GNAQ: variants seen among roughly 807,000 people sequenced by gnomAD.
GNAQ encodes guanine nucleotide-binding protein G(q) subunit alpha.
In GNAQ, 8 loss-of-function variants were observed where a neutral mutation model predicts 43.9. The observed-to-expected ratio is 0.18, with a 90% CI of 0.11 to 0.33. The LOEUF is 0.33. Among genes scored for constraint, GNAQ ranks in the 10% least tolerant of loss-of-function variants. The pLI, the probability that GNAQ is intolerant of heterozygous loss-of-function variation, is 1.00. For missense variants in GNAQ, 158 were observed against 450.8 expected (o/e 0.35, Z 5.88); for synonymous variants, 155 against 170.7 (o/e 0.91, Z 0.71).
At chr9:77,893,807 G>T (rs1400559452) in intron 2 of GNAQ, among the ~76,000 whole-genome samples, 3 of 152,094 alleles carry the variant, frequency 2.0e-5, no homozygotes, top group African/African-American at 7.2e-5. Context: ...ACCTGAAGAA[G>T]AATTCAAGGA....
intron 1 of GNAQ, among the ~76,000 whole-genome samples, chr9:77,975,500 T>C (rs1823286488): frequency 6.6e-6 from 1 of 151,586 alleles, no homozygotes; most frequent in African/African-American, 2.4e-5. Context: ...TAGTATCTCA[T>C]TTCCCAAACT....
At chr9:77,762,001 C>T (rs535857933) in intron 5 of GNAQ, among the ~76,000 whole-genome samples, 27 of 138,320 alleles carry the variant, frequency 2.0e-4, no homozygotes, top group African/African-American at 7.0e-4. Context: ...TGAGGGGCGC[C>T]TCTGCCCGGC....
intron 2 of GNAQ, among the ~76,000 whole-genome samples, chr9:77,818,111 C>T (rs1409488080): frequency 6.6e-6 from 1 of 152,146 alleles, no homozygotes; most frequent in Non-Finnish European, 1.5e-5. Context: ...ATATTTGTCT[C>T]TGCTATAAAC....
At chr9:77,852,220 G>T (rs77513732) in intron 2 of GNAQ, among the ~76,000 whole-genome samples, 18 of 152,280 alleles carry the variant, frequency 1.2e-4, no homozygotes, top group Non-Finnish European at 2.2e-4. Flanking sequence ...TCTTGCATCG[G>T]AAGAAAGCTC....
intron 1 of GNAQ, among the ~76,000 whole-genome samples, chr9:78,019,307 A>T (rs1243022865): frequency 1.3e-5 from 2 of 152,204 alleles, no homozygotes; most frequent in African/African-American, 2.4e-5. Context: ...TCTGGATAAC[A>T]TCTTAGATGG....
intron 1 of GNAQ, among the ~76,000 whole-genome samples, chr9:77,975,592 G>A (rs1476241038): frequency 6.7e-6 from 1 of 149,002 alleles, no homozygotes; most frequent in Non-Finnish European, 1.5e-5. Flanking sequence ...CAGGCTGGAG[G>A]GCAGTGGCGC....
At chr9:77,875,978 C>T (rs1828118697) in intron 2 of GNAQ, among the ~76,000 whole-genome samples, 1 of 152,164 alleles carries the variant, frequency 6.6e-6, no homozygotes, top group Admixed American at 6.5e-5. Flanking sequence ...GCCCACATAC[C>T]ACCTGCACAA....
chr9:77,875,166 C>A (rs1415526665), intron 2 of GNAQ, among the ~76,000 whole-genome samples: 1 of 152,172 alleles, frequency 6.6e-6, no homozygotes, highest in East Asian at 1.9e-4. Context: ...CTTCGTCATA[C>A]TCCTCAAATC....
At chr9:77,762,195 C>G (rs1250910270) in intron 5 of GNAQ, among the ~76,000 whole-genome samples, 1 of 137,818 alleles carries the variant, frequency 7.3e-6, no homozygotes. Flanking sequence ...GCCACCCCTA[C>G]TGGGAAGTGA....
chr9:77,986,753 T>C (rs1022084513), intron 1 of GNAQ, among the ~76,000 whole-genome samples: 10 of 151,322 alleles, frequency 6.6e-5, no homozygotes, highest in African/African-American at 2.4e-4. Context: ...TCTTCTCACC[T>C]TGGCCTCCCA....
intron 1 of GNAQ, among the ~76,000 whole-genome samples, chr9:77,992,906 C>T (rs1253292314): frequency 6.6e-6 from 1 of 152,142 alleles, no homozygotes; most frequent in Non-Finnish European, 1.5e-5. Context: ...GATCAAGCCA[C>T]TATTCTCCAG....
At chr9:78,023,697 T>A (rs1192752978) in intron 1 of GNAQ, among the ~76,000 whole-genome samples, 1 of 151,832 alleles carries the variant, frequency 6.6e-6, no homozygotes, top group Non-Finnish European at 1.5e-5. Flanking sequence ...AACAAAAAAA[T>A]TCTATTTCTA....
At chr9:77,962,917 A>C (rs1271288187) in intron 1 of GNAQ, among the ~76,000 whole-genome samples, 1 of 147,384 alleles carries the variant, frequency 6.8e-6, no homozygotes, top group African/African-American at 2.5e-5. Context: ...AAAAAAAAAC[A>C]GTGCATGGAA....
rs1433017268 is a variant in GNAQ at position 77,918,427 on chromosome 9, G to A, written c.321+3734C>T. ...ATAAATCAGAATGTGATACCTCCAT[G>A]TAACTGTTAATCAAATATACACCAA... On this transcript the variant is annotated intron_variant, in intron 2 of 6. Transcript: ENST00000286548. 4.6e-5 allele frequency among the ~76,000 whole-genome samples: 7 copies of A among 152,136 alleles called. No homozygotes were observed. The East Asian group carries it at 7.7e-4, about 17-fold the overall frequency.
chr9:77,778,534 A>C (rs1348268332), intron 5 of GNAQ, among the ~76,000 whole-genome samples: 1 of 151,806 alleles, frequency 6.6e-6, no homozygotes, highest in African/African-American at 2.4e-5. Flanking sequence ...ATAAAGAACA[A>C]GGGCAAACTA....
At chr9:77,724,740 A>G (rs1210872249) in intron 6 of GNAQ, among the ~76,000 whole-genome samples, 3 of 152,248 alleles carry the variant, frequency 2.0e-5, no homozygotes, top group Non-Finnish European at 4.4e-5. Context: ...CCTCATTTGT[A>G]CAATTTAAAA....
At chr9:77,740,672 TTTC>T (rs1399486385) in intron 5 of GNAQ, among the ~76,000 whole-genome samples, 5 of 152,220 alleles carry the variant, frequency 3.3e-5, no homozygotes, top group African/African-American at 1.2e-4. Context: ...AATAGTTGGT[TTTC>T]TTTTTAGTCT....
intron 1 of GNAQ, among the ~76,000 whole-genome samples, chr9:78,010,184 T>G (rs1823756841): frequency 1.3e-5 from 2 of 152,186 alleles, no homozygotes; most frequent in South Asian, 2.1e-4. Context: ...GAACAAGATT[T>G]CATTCCTGCT....
intron 2 of GNAQ, among the ~76,000 whole-genome samples, chr9:77,917,401 C>T (rs1828927139): frequency 6.6e-6 from 1 of 152,104 alleles, no homozygotes; most frequent in African/African-American, 2.4e-5. Flanking sequence ...GAAAAAATAA[C>T]TACTGGGTAC....
Sources: gnomAD v4.1 joint callset for allele counts (sites outside exome capture counted in the v4.1 genomes callset) on GRCh38, gnomAD v4.1.1 for gene constraint, MANE v1.5 for transcripts, NCBI Gene and HGNC (gene_info 2026-07-23, HGNC 2026-07-21) for gene names.